CRIM1: variants seen among roughly 807,000 people sequenced by gnomAD.
CRIM1 encodes the protein cysteine rich transmembrane BMP regulator 1.
CRIM1 carries 32 observed loss-of-function variants against 116.4 expected under a neutral mutation model. That is an observed-to-expected ratio of 0.27 (90% confidence interval 0.21 to 0.37). The LOEUF is 0.37. CRIM1 is among the 10% of genes least tolerant of loss of function. The pLI, the probability that CRIM1 is intolerant of heterozygous loss-of-function variation, is 1.00. For missense variants in CRIM1, 1,331 were observed against 1,354.8 expected (o/e 0.98, Z 0.28); for synonymous variants, 590 against 509.2 (o/e 1.16, Z -2.13).
chr2:36,355,899 C>A lies in CRIM1; in HGVS notation c.-394C>A, dbSNP rs1668763911. The stretch of plus-strand genomic sequence containing the variant: ...GAGGCTGCGCCGCTGCGGGGCCGGC[C>A]GACTCGGAGGAGGAGAGGGAGGAGG... On this transcript the variant is annotated 5_prime_UTR_variant, in exon 1 of 17. Coordinates refer to ENST00000280527, the MANE Select transcript of CRIM1 (RefSeq NM_016441.3). 1 of 151,702 alleles carries A rather than the reference C, an allele frequency of 6.6e-6. No homozygotes were observed. The highest frequency in any genetic ancestry group is 2.1e-4 in the South Asian group (1 of 4,852). 9.4% of individuals were successfully genotyped at this position (151,702 alleles called of 1,614,324 possible).
chr2:36,508,637 T>C (rs1231045575), intron 8 of CRIM1, among the ~76,000 whole-genome samples: 1 of 152,218 alleles, frequency 6.6e-6, no homozygotes, highest in East Asian at 1.9e-4. Flanking sequence ...TAAATTTGAT[T>C]GTCTTTCAAA....
intron 1 of CRIM1, among the ~76,000 whole-genome samples, chr2:36,374,993 C>G (rs1670215579): frequency 6.7e-6 from 1 of 150,088 alleles, no homozygotes; most frequent in African/African-American, 2.5e-5. Context: ...CATTTTAATT[C>G]TGTTGCTTTT....
Position 36,356,721 on chromosome 2 carries a change from AAG to A in CRIM1, c.331+101_331+102del, listed in dbSNP as rs1668836396. 5.7e-6 allele frequency: 7 copies of A among 1,230,912 alleles called. No individual in the cohort carries two copies. The highest frequency in any genetic ancestry group is 6.7e-6 in the Non-Finnish European group (6 of 899,232). 76.2% of individuals were successfully genotyped at this position (1,230,912 alleles called of 1,614,324 possible). On this transcript the variant is annotated intron_variant, in intron 1 of 16. Coordinates refer to ENST00000280527, the MANE Select transcript of CRIM1 (RefSeq NM_016441.3). The surrounding 1 kb of genome is among the most constrained non-coding windows in gnomAD (Gnocchi z 4.3). ...AGTTTGGGCGAGACTTTCTGGAGGA[AAG>A]AGGGCTCTGCGGGAAGAGGGGCGGC...
chr2:36,492,702 C>T (rs559361491), intron 7 of CRIM1, among the ~76,000 whole-genome samples: 4 of 152,226 alleles, frequency 2.6e-5, no homozygotes, highest in African/African-American at 7.2e-5. Flanking sequence ...CTGTCTTGGC[C>T]AGCCTTATCT....
At chr2:36,520,914 G>A (rs75191843) in intron 12 of CRIM1, among the ~76,000 whole-genome samples, 1,727 of 152,284 alleles carry the variant, frequency 0.011, 38 homozygotes, top group African/African-American at 0.04. Context: ...GTTCTGGGAA[G>A]AACATACGAC....
chr2:36,397,444 C>T (rs1239506124), intron 2 of CRIM1, among the ~76,000 whole-genome samples: 1 of 152,106 alleles, frequency 6.6e-6, no homozygotes, highest in Non-Finnish European at 1.5e-5. Flanking sequence ...GTACCCAGAG[C>T]TTGGTGCCAT....
At chr2:36,367,751 G>A (rs1310611089) in intron 1 of CRIM1, among the ~76,000 whole-genome samples, 2 of 152,198 alleles carry the variant, frequency 1.3e-5, no homozygotes, top group African/African-American at 4.8e-5. Context: ...TTATCAAGCG[G>A]CAGTGGAGAC....
At chr2:36,404,929 A>G (rs1195086403) in intron 2 of CRIM1, among the ~76,000 whole-genome samples, 5 of 152,088 alleles carry the variant, frequency 3.3e-5, no homozygotes, top group African/African-American at 1.2e-4. Context: ...AGTTTTTTAC[A>G]TTTCACTTAT....
intron 2 of CRIM1, among the ~76,000 whole-genome samples, chr2:36,402,163 A>T (rs1672456143): frequency 6.6e-6 from 1 of 152,216 alleles, no homozygotes; most frequent in African/African-American, 2.4e-5. Context: ...ATAAATAAAC[A>T]AGAAAATAGC....
chr2:36,428,059 A>G (rs1227353749), intron 2 of CRIM1, among the ~76,000 whole-genome samples: 1 of 152,254 alleles, frequency 6.6e-6, no homozygotes, highest in Non-Finnish European at 1.5e-5. Flanking sequence ...TTGTAATCAA[A>G]CACTTTTTCA....
intron 4 of CRIM1, among the ~76,000 whole-genome samples, chr2:36,463,968 A>G (rs1253910667): frequency 6.6e-6 from 1 of 152,226 alleles, no homozygotes; most frequent in Non-Finnish European, 1.5e-5. Context: ...TATTGTGCAC[A>G]GTCATAAATT....
chr2:36,468,383 A>G lies in CRIM1; in HGVS notation c.991+3728A>G, dbSNP rs139640283. ...TCCATAAATATTACTTTGTTTTTGTAGTTTGATTTTATTTTGTTGTGGCGG... is the reference window on the plus strand; with the variant it reads ...TCCATAAATATTACTTTGTTTTTGTGGTTTGATTTTATTTTGTTGTGGCGG... On this transcript the variant is annotated intron_variant, in intron 5 of 16. Transcript: ENST00000280527. 3.0e-3 allele frequency among the ~76,000 whole-genome samples: 450 copies of G among 152,272 alleles called. 5 individuals are homozygous for G. The highest frequency in any genetic ancestry group is 0.01 in the African/African-American group (424 of 41,572).
intron 1 of CRIM1, among the ~76,000 whole-genome samples, chr2:36,382,059 T>C (rs566558743): frequency 2.0e-5 from 3 of 152,266 alleles, no homozygotes; most frequent in Admixed American, 1.3e-4. Context: ...GGTGATGATA[T>C]GCCCAGCAGC....
At chr2:36,526,302 C>T (rs560469637) in intron 13 of CRIM1, among the ~76,000 whole-genome samples, 20 of 152,154 alleles carry the variant, frequency 1.3e-4, no homozygotes, top group African/African-American at 3.6e-4. Flanking sequence ...ACAAGTATGA[C>T]GCAGGTGGAG....
chr2:36,387,813 A>G (rs531206625), intron 1 of CRIM1, among the ~76,000 whole-genome samples: 2 of 152,340 alleles, frequency 1.3e-5, no homozygotes, highest in East Asian at 3.9e-4. Context: ...ATGTCTTAAT[A>G]ATCTTTCTCA....
intron 7 of CRIM1, among the ~76,000 whole-genome samples, chr2:36,485,831 T>C (rs1679777739): frequency 2.0e-5 from 3 of 152,232 alleles, no homozygotes; most frequent in African/African-American, 7.2e-5. Flanking sequence ...CCAAGAATAA[T>C]AAAATATTCG....
chr2:36,367,716 A>G (rs895086274), intron 1 of CRIM1, among the ~76,000 whole-genome samples: 2 of 152,184 alleles, frequency 1.3e-5, no homozygotes, highest in African/African-American at 4.8e-5. Flanking sequence ...AGAGGAAAAG[A>G]TCAAGAGTTC....
intron 8 of CRIM1, among the ~76,000 whole-genome samples, chr2:36,504,738 C>A (rs1202842732): frequency 6.6e-6 from 1 of 152,196 alleles, no homozygotes; most frequent in Non-Finnish European, 1.5e-5. Flanking sequence ...CTTTTAACAA[C>A]ATTGCTCTTT....
intron 15 of CRIM1, among the ~76,000 whole-genome samples, chr2:36,546,130 T>C (rs1351693018): frequency 6.6e-6 from 1 of 152,204 alleles, no homozygotes; most frequent in African/African-American, 2.4e-5. Flanking sequence ...GTAACTCCTT[T>C]TGATACTGTG....
Sources: gnomAD v4.1 joint callset for allele counts (sites outside exome capture counted in the v4.1 genomes callset) on GRCh38, gnomAD v4.1.1 for gene constraint, Gnocchi (gnomAD v3.1) non-coding constraint, MANE v1.5 for transcripts, NCBI Gene and HGNC (gene_info 2026-07-23, HGNC 2026-07-21) for gene names.